Variants in TMIGD1 observed in about 807,000 individuals in gnomAD.
The protein encoded by TMIGD1 is transmembrane and immunoglobulin domain containing 1, also known as transmembrane and immunoglobulin domain-containing protein 1.
A neutral mutation model predicts 27.5 loss-of-function variants in TMIGD1; 29 were observed. That is an observed-to-expected ratio of 1.05 (90% CI 0.78 to 1.44). The LOEUF is 1.44. Ranked by LOEUF, TMIGD1 falls within the 40% of genes most tolerant of loss-of-function variation. The pLI is 0.00. For missense variants in TMIGD1, 334 were observed against 310.6 expected, an observed-to-expected ratio of 1.08 and a Z score of -0.57; for synonymous variants, 109 against 110.3, an observed-to-expected ratio of 0.99 and a Z score of 0.07.
chr17:30,317,183 G>C lies in TMIGD1; in HGVS notation c.785+10C>G, dbSNP rs778276421. On this transcript the variant is annotated intron_variant, in intron 6 of 6. Coordinates refer to ENST00000328886, the MANE Select transcript of TMIGD1 (RefSeq NM_206832.3). ...TTTAAAAAGCACTGGTCCCGGCCTAGAGTACTTACAGAGCTGTTTCACTGT... is the reference window on the plus strand; with the variant it reads ...TTTAAAAAGCACTGGTCCCGGCCTACAGTACTTACAGAGCTGTTTCACTGT... 70 of 1,613,826 alleles carry C rather than the reference G, an allele frequency of 4.3e-5. No homozygotes were observed. The highest frequency in any genetic ancestry group is 5.7e-5 in the Non-Finnish European group (67 of 1,179,896).
chr17:30,323,147 G>A (rs952528587), intron 4 of TMIGD1, among the ~76,000 whole-genome samples: 1 of 152,130 alleles, frequency 6.6e-6, no homozygotes, highest in Admixed American at 6.6e-5. Context: ...TCCAGCCTGG[G>A]TGGCAGAGCG....
intron 1 of TMIGD1, among the ~76,000 whole-genome samples, chr17:30,333,152 G>A (rs541674754): frequency 6.6e-6 from 1 of 152,004 alleles, no homozygotes; most frequent in Admixed American, 6.6e-5. Flanking sequence ...TGTTAGGCTG[G>A]GTGCAGTGGC....
chr17:30,333,340 C>G (rs1157623096), intron 1 of TMIGD1, among the ~76,000 whole-genome samples: 2 of 151,392 alleles, frequency 1.3e-5, no homozygotes, highest in Non-Finnish European at 2.9e-5. Flanking sequence ...ACTCGGGAGG[C>G]TGAGGCAGGA....
intron 4 of TMIGD1, among the ~76,000 whole-genome samples, chr17:30,324,183 A>AG (rs1367082287): frequency 6.6e-6 from 1 of 152,092 alleles, no homozygotes; most frequent in Non-Finnish European, 1.5e-5. Context: ...GTGAATGAGC[A>AG]TTTTTGGCAT....
chr17:30,331,776 G>A (rs2143189837), intron 2 of TMIGD1, among the ~76,000 whole-genome samples: 1 of 152,180 alleles, frequency 6.6e-6, no homozygotes, highest in Admixed American at 6.5e-5. Flanking sequence ...TTTTAGTAGA[G>A]ATGGGGTTTC....
chr17:30,320,041 ATTT>A (rs113138908), intron 4 of TMIGD1, among the ~76,000 whole-genome samples: 1 of 144,784 alleles, frequency 6.9e-6, no homozygotes. Flanking sequence ...ACTGAGAGCT[ATTT>A]TTTTTTTTTT....
intron 2 of TMIGD1, among the ~76,000 whole-genome samples, chr17:30,331,733 C>G (rs562592471): frequency 6.6e-6 from 1 of 152,004 alleles, no homozygotes; most frequent in African/African-American, 2.4e-5. Context: ...GAACTACAGG[C>G]GCCTGCCAGC....
intron 3 of TMIGD1, among the ~76,000 whole-genome samples, chr17:30,326,001 AAGAT>A (rs1271419518): frequency 1.3e-5 from 2 of 152,204 alleles, no homozygotes; most frequent in Non-Finnish European, 2.9e-5. Flanking sequence ...AACTAGGAAA[AAGAT>A]AGAGACGGAG....
chr17:30,322,452 A>C (rs1000615328), intron 4 of TMIGD1, among the ~76,000 whole-genome samples: 1 of 152,238 alleles, frequency 6.6e-6, no homozygotes, highest in Non-Finnish European at 1.5e-5. Context: ...TTACCAAGCC[A>C]GATAAAATGA....
intron 4 of TMIGD1, among the ~76,000 whole-genome samples, chr17:30,319,440 A>AC (rs1171746400): frequency 6.8e-6 from 1 of 146,482 alleles, no homozygotes; most frequent in Non-Finnish European, 1.5e-5. Flanking sequence ...AAAAAAAAAA[A>AC]AAAAAAAAAA....
At chr17:30,325,482 T>C (rs536846642) in intron 3 of TMIGD1, among the ~76,000 whole-genome samples, 1 of 152,264 alleles carries the variant, frequency 6.6e-6, no homozygotes, top group East Asian at 1.9e-4. Context: ...AGACATACAT[T>C]GCAATTAGAT....
At chr17:30,317,295 A>T in intron 5 of TMIGD1, 62 bp from the exon 6 acceptor site, 1 of 1,583,050 alleles carries the variant, frequency 6.3e-7, no homozygotes, top group Non-Finnish European at 8.7e-7. Flanking sequence ...AATATTTTGA[A>T]TGCATTAAGA....
chr17:30,324,237 G>T (rs1033853416), intron 4 of TMIGD1, among the ~76,000 whole-genome samples: 1 of 152,186 alleles, frequency 6.6e-6, no homozygotes, highest in Non-Finnish European at 1.5e-5. Flanking sequence ...GTATGAGCAA[G>T]AAATATGAGG....
chr17:30,325,089 G>A lies in TMIGD1; in HGVS notation c.367C>T (p.Pro123Ser), dbSNP rs779529993. ...VSVVLNVTFP[P>S]LLSGNDFQTV... The stretch of plus-strand genomic sequence containing the variant: ...TGGAAGTCGTTTCCACTTAGGAGAG[G>A]AGGAACTGCAAGACTCAAGCATTTA... The change falls in exon 4 of 7, where the codon CCT becomes TCT. Residue 123 changes from proline (P) to serine (S), a missense_variant. Pro to Ser is a moderately conservative substitution (Grantham distance 74). Coordinates refer to ENST00000328886, the MANE Select transcript of TMIGD1 (RefSeq NM_206832.3). 38 of 1,609,778 alleles carry A rather than the reference G, an allele frequency of 2.4e-5. No homozygotes were observed. The highest frequency in any genetic ancestry group is 3.3e-4 in the Middle Eastern group (2 of 6,064).
chr17:30,323,084 C>T (rs183207260), intron 4 of TMIGD1, among the ~76,000 whole-genome samples: 1 of 152,108 alleles, frequency 6.6e-6, no homozygotes, highest in African/African-American at 2.4e-5. Flanking sequence ...GTGGAAAGAT[C>T]GCTTGAGCCT....
intron 4 of TMIGD1, among the ~76,000 whole-genome samples, chr17:30,321,080 A>G (rs1467611925): frequency 6.6e-6 from 1 of 151,460 alleles, no homozygotes; most frequent in Non-Finnish European, 1.5e-5. Context: ...CTGGCCTCGA[A>G]CTCCTGACAT....
In TMIGD1 at chr17:30,324,821, A is replaced by G. The variant is rs535844490; in HGVS notation, c.635T>C (p.Val212Ala). The G allele has an allele frequency of 1.9e-6, 3 of 1,613,738 alleles. No individual in the cohort carries two copies. The East Asian group carries it at 6.7e-5, about 36-fold the overall frequency. Residue 212 changes from valine (V) to alanine (A), a missense_variant, in exon 4 of 7, where the codon GTT becomes GCT. Val to Ala is a moderately conservative substitution (Grantham distance 64, BLOSUM62 0). Transcript: ENST00000328886. The part of the protein sequence containing the change: ...KTESLDFHLI[V>A]KDKTVGVPIE... ...TTACTTAAAAAGAGCATTACCTTTA[A>G]CAATCAGGTGAAAGTCCAAGCTCTC...
At chr17:30,325,901 C>A (rs1334157236) in intron 3 of TMIGD1, among the ~76,000 whole-genome samples, 11 of 145,294 alleles carry the variant, frequency 7.6e-5, no homozygotes, top group African/African-American at 2.7e-4. Context: ...ACAATAAGGG[C>A]AGTTGTAGAC....
At position 30,320,059 on chromosome 17, in the gene TMIGD1, C is replaced by T. The variant is rs138573671; in HGVS notation, c.641-1146G>A. On this transcript the variant is annotated intron_variant, in intron 4 of 6. Coordinates refer to ENST00000328886, the MANE Select transcript of TMIGD1 (RefSeq NM_206832.3). ...GAGAGCTATTTTTTTTTTTTTGAGA[C>T]GGAGTTTTGCTCCTGTTGCCCAGGC... Among the ~76,000 whole-genome samples, 37 of 149,840 alleles carry T rather than the reference C, an allele frequency of 2.5e-4. No individual in the cohort carries two copies. The East Asian group carries it at 2.5e-3, about 10-fold the overall frequency.
Sources: allele counts gnomAD v4.1 joint callset (sites outside exome capture counted in the v4.1 genomes callset), GRCh38; gene constraint gnomAD v4.1.1; transcripts MANE v1.5; gene names NCBI Gene and HGNC (gene_info 2026-07-23, HGNC 2026-07-21).